CEP85L: variants seen among roughly 807,000 people sequenced by gnomAD.
CEP85L encodes centrosomal protein of 85 kDa-like.
In CEP85L, 60 loss-of-function variants were observed where a neutral mutation model predicts 100.3. The ratio of observed to expected loss-of-function variants is 0.60; its 90% CI spans 0.49 to 0.74. CEP85L has a LOEUF of 0.74. Ranked by LOEUF, CEP85L falls within the 30% of genes least tolerant of loss-of-function variation. The pLI is 0.00. For missense variants in CEP85L, 973 were observed against 936.2 expected (o/e 1.04, Z -0.51); for synonymous variants, 319 against 322.7 (o/e 0.99, Z 0.12).
intron 5 of CEP85L, among the ~76,000 whole-genome samples, chr6:118,505,171 G>T (rs1195732145): frequency 1.3e-5 from 2 of 151,892 alleles, no homozygotes; most frequent in East Asian, 3.9e-4. Flanking sequence ...GCCAGGCGCG[G>T]TGGCTCACAC....
intron 6 of CEP85L, among the ~76,000 whole-genome samples, chr6:118,486,930 T>C (rs756827342): frequency 2.1e-4 from 32 of 152,102 alleles, no homozygotes; most frequent in Non-Finnish European, 4.4e-4. Flanking sequence ...AAAGAATTCA[T>C]TCAACATGCC....
At chr6:118,519,432 C>CTGTGTGTGTG (rs546998242) in intron 4 of CEP85L, among the ~76,000 whole-genome samples, 386 of 23,946 alleles carry the variant, frequency 0.016, 39 homozygotes, top group East Asian at 0.019. Context: ...GAGCAAAACT[C>CTGTGTGTGTG]TGTGTGTGTG....
intron 3 of CEP85L, among the ~76,000 whole-genome samples, chr6:118,564,013 G>A (rs528882006): frequency 9.2e-5 from 14 of 152,184 alleles, no homozygotes; most frequent in African/African-American, 3.4e-4. Flanking sequence ...AAGAAGTAGG[G>A]CTTTCCAGGG....
intron 1 of CEP85L, among the ~76,000 whole-genome samples, chr6:118,650,829 C>G (rs891906570): frequency 6.6e-6 from 1 of 152,206 alleles, no homozygotes; most frequent in Non-Finnish European, 1.5e-5. Flanking sequence ...CGCCCGGGTC[C>G]CCGCGAGCAA....
At chr6:118,513,803 C>T (rs1776108075) in intron 4 of CEP85L, among the ~76,000 whole-genome samples, 2 of 151,816 alleles carry the variant, frequency 1.3e-5, no homozygotes, top group South Asian at 4.1e-4. Flanking sequence ...CAGATGAAAA[C>T]CTGAATTTAC....
At chr6:118,526,241 G>C (rs1776956059) in intron 3 of CEP85L, among the ~76,000 whole-genome samples, 1 of 152,108 alleles carries the variant, frequency 6.6e-6, no homozygotes, top group Non-Finnish European at 1.5e-5. Flanking sequence ...TTAGAATACT[G>C]AAGTAGTTTC....
At chr6:118,619,862 T>A (rs559761120) in intron 2 of CEP85L, among the ~76,000 whole-genome samples, 2 of 152,142 alleles carry the variant, frequency 1.3e-5, no homozygotes. Context: ...GCCCAGCAAT[T>A]TAGGGATTTA....
At chr6:118,491,231 A>G (rs898106186) in intron 6 of CEP85L, among the ~76,000 whole-genome samples, 3 of 133,212 alleles carry the variant, frequency 2.3e-5, no homozygotes, top group Admixed American at 7.1e-5. Context: ...ACACACACAC[A>G]CACACACATA....
At chr6:118,646,458 C>G (rs1203847238) in intron 1 of CEP85L, among the ~76,000 whole-genome samples, 2 of 152,004 alleles carry the variant, frequency 1.3e-5, no homozygotes, top group East Asian at 3.9e-4. Flanking sequence ...CACTTGAGGT[C>G]AGGAGTTCAA....
intron 4 of CEP85L, among the ~76,000 whole-genome samples, chr6:118,520,440 GT>G (rs1338348836): frequency 6.6e-5 from 10 of 152,092 alleles, no homozygotes; most frequent in Non-Finnish European, 1.3e-4. Context: ...TGTCATATTT[GT>G]GGGGTATAAT....
At chr6:118,566,542 C>T (rs757187938) in intron 2 of CEP85L, among the ~76,000 whole-genome samples, 1 of 152,106 alleles carries the variant, frequency 6.6e-6, no homozygotes, top group South Asian at 2.1e-4. Context: ...CTCAGCCTCC[C>T]GAGTAGCAGG....
chr6:118,692,236 T>C (rs1777068665), intron 1 of CEP85L, among the ~76,000 whole-genome samples: 1 of 152,170 alleles, frequency 6.6e-6, no homozygotes, highest in South Asian at 2.1e-4. Flanking sequence ...ATGCAATATA[T>C]GTTAGAGTAT....
intron 5 of CEP85L, among the ~76,000 whole-genome samples, chr6:118,507,903 C>T (rs1775751794): frequency 6.6e-6 from 1 of 152,202 alleles, no homozygotes; most frequent in Non-Finnish European, 1.5e-5. Context: ...CAACACACTG[C>T]AACTATCTCT....
chr6:118,507,144 G>GT (rs1775705144), intron 5 of CEP85L, among the ~76,000 whole-genome samples: 1 of 152,086 alleles, frequency 6.6e-6, no homozygotes, highest in South Asian at 2.1e-4. Context: ...TTTACAATGT[G>GT]TAAGTTTAAC....
At chr6:118,665,371 T>C (rs1322340960) in intron 1 of CEP85L, among the ~76,000 whole-genome samples, 1 of 152,076 alleles carries the variant, frequency 6.6e-6, no homozygotes, top group Non-Finnish European at 1.5e-5. Context: ...ATTATTTTAT[T>C]TTATTTTAGA....
In CEP85L at chr6:118,667,826, AG is replaced by A. The variant is rs1231715668; in HGVS notation, c.-27-15019del. On this transcript the variant is annotated intron_variant, in intron 1 of 13. Transcript: ENST00000368488. Reference sequence around the variant, plus strand: ...TGTGTGTCTGGAGAGCATGGCACACAGGCCAGTGTAAATCTGGGTGAACTAT... The same window carrying A: ...TGTGTGTCTGGAGAGCATGGCACACAGCCAGTGTAAATCTGGGTGAACTAT... Among the ~76,000 whole-genome samples the A allele has an allele frequency of 3.9e-5, 6 of 152,324 alleles. No individual in the cohort carries two copies. The East Asian group carries it at 1.2e-3, about 29-fold the overall frequency.
At chr6:118,538,700 C>A (rs1014851851) in intron 3 of CEP85L, among the ~76,000 whole-genome samples, 6 of 44,532 alleles carry the variant, frequency 1.3e-4, no homozygotes, top group Admixed American at 9.1e-4. Context: ...AACTTACTTT[C>A]TTTAAGCAAA....
At chr6:118,633,444 T>C (rs1018816537) in intron 1 of CEP85L, among the ~76,000 whole-genome samples, 1 of 152,172 alleles carries the variant, frequency 6.6e-6, no homozygotes, top group African/African-American at 2.4e-5. Flanking sequence ...GACCTCGTGA[T>C]CCACCCGCCT....
At chr6:118,471,139 G>A (rs983869810) in intron 10 of CEP85L, among the ~76,000 whole-genome samples, 5 of 151,966 alleles carry the variant, frequency 3.3e-5, no homozygotes, top group African/African-American at 1.2e-4. Flanking sequence ...TCCAAGCAGT[G>A]AATATACTGT....
Sources: gnomAD v4.1 joint callset for allele counts (sites outside exome capture counted in the v4.1 genomes callset) on GRCh38, gnomAD v4.1.1 for gene constraint, MANE v1.5 for transcripts, NCBI Gene and HGNC (gene_info 2026-07-23, HGNC 2026-07-21) for gene names.